Variants in YTHDF3 observed in about 807,000 individuals in gnomAD.
YTHDF3 encodes the protein YTH domain-containing family protein 3.
Under a neutral mutation model 52.5 loss-of-function variants are expected in YTHDF3, and 9 were observed. That is an observed-to-expected ratio of 0.17 (90% CI 0.10 to 0.30). The LOEUF (loss-of-function observed/expected upper bound fraction) is 0.30. Ranked by LOEUF, YTHDF3 falls within the 10% of genes least tolerant of loss-of-function variation. The probability of loss-of-function intolerance (pLI) is 1.00; values close to 1 mark genes in which losing one functional copy is unlikely to be tolerated. For synonymous variants in YTHDF3, 274 were observed against 243.3 expected (o/e 1.13, Z -1.18); for missense variants, 534 against 715.0 (o/e 0.75, Z 2.89).
chr8:63,169,337 C>G, intron 1 of YTHDF3, 50 bp from the exon 2 acceptor site: 1 of 1,570,834 alleles, frequency 6.4e-7, no homozygotes, highest in South Asian at 1.2e-5. Flanking sequence ...CACACTTTTT[C>G]TTTTCTTCCT....
chr8:63,187,306 C>G lies in YTHDF3; in HGVS notation c.1295C>G (p.Ser432Cys), dbSNP rs771248491. Residue 432 changes from serine to cysteine, a missense_variant, in exon 4 of 5, where the codon TCC (serine) becomes TGC (cysteine). Coordinates refer to ENST00000539294, the MANE Select transcript of YTHDF3 (RefSeq NM_152758.6). The stretch of plus-strand genomic sequence containing the variant: ...TACTCTGAGGATGACATACATCGTT[C>G]CATTAAATACTCTATCTGGTGTAGT... ...KSYSEDDIHRSIKYSIWCSTE... is the reference protein window; with the variant it reads ...KSYSEDDIHRCIKYSIWCSTE... 1.9e-6 allele frequency: 3 copies of G among 1,613,994 alleles called. No homozygotes were observed. Among genetic ancestry groups the G allele is most frequent in the Admixed American group, 1.7e-5 (1 of 60,022 alleles).
intron 2 of YTHDF3, among the ~76,000 whole-genome samples, chr8:63,174,592 A>G (rs1807563877): frequency 6.6e-6 from 1 of 152,204 alleles, no homozygotes; most frequent in African/African-American, 2.4e-5. Flanking sequence ...CAGCATCCAG[A>G]GAATAACAAC....
intron 4 of YTHDF3, among the ~76,000 whole-genome samples, chr8:63,190,007 G>A (rs971672719): frequency 6.6e-6 from 1 of 152,174 alleles, no homozygotes; most frequent in Non-Finnish European, 1.5e-5. Flanking sequence ...TGGTCATATT[G>A]TAACTGCCAT....
intron 2 of YTHDF3, chr8:63,172,928 A>G: frequency 1.3e-6 from 1 of 764,662 alleles, no homozygotes; most frequent in Non-Finnish European, 1.8e-6. Flanking sequence ...TTCAAAAACG[A>G]AAGTCTTTAA....
Position 63,187,674 on chromosome 8 carries a change from C to T in YTHDF3, c.1663C>T (p.His555Tyr), listed in dbSNP as rs1808613814. 2 of 1,611,396 alleles carry T rather than the reference C, an allele frequency of 1.2e-6. No homozygotes were observed. The highest frequency in any genetic ancestry group is 1.1e-5 in the South Asian group (1 of 90,708). Residue 555 changes from histidine (H) to tyrosine (Y), a missense_variant, in exon 4 of 5, where the codon CAT (histidine) becomes TAT (tyrosine). This residue lies in a region of YTHDF3 where 135 missense variants were observed against 214.2 expected (regional missense o/e 0.63). Coordinates refer to ENST00000539294, the MANE Select transcript of YTHDF3 (RefSeq NM_152758.6). ...GCTTAAAATAATTGCTACTTTCAAG[C>T]ATACCACCTCAATCTTTGATGACTT... ...QVLKIIATFK[H>Y]TTSIFDDFAH... is the part of the protein sequence containing the mutation.
intron 3 of YTHDF3, among the ~76,000 whole-genome samples, chr8:63,185,266 C>T (rs1400652583): frequency 6.6e-6 from 1 of 150,540 alleles, no homozygotes; most frequent in Non-Finnish European, 1.5e-5. Flanking sequence ...TGTCTAGTAA[C>T]AAATTTGAGC....
At chr8:63,203,094 T>G (rs1467146129) in intron 4 of YTHDF3, among the ~76,000 whole-genome samples, 1 of 151,894 alleles carries the variant, frequency 6.6e-6, no homozygotes, top group Non-Finnish European at 1.5e-5. Context: ...ATACAAAAAT[T>G]AGCTGAGCAT....
chr8:63,169,927 T>C (rs1378877627), intron 2 of YTHDF3, among the ~76,000 whole-genome samples: 1 of 152,234 alleles, frequency 6.6e-6, no homozygotes, highest in African/African-American at 2.4e-5. Context: ...GCCATCTTGC[T>C]CTATTGTTCT....
chr8:63,202,474 T>C (rs1233268776), intron 4 of YTHDF3, among the ~76,000 whole-genome samples: 2 of 151,836 alleles, frequency 1.3e-5, no homozygotes, highest in East Asian at 3.9e-4. Context: ...TTTTTTTTTT[T>C]TTTTGAGATG....
chr8:63,174,952 T>C (rs1807586338), intron 2 of YTHDF3, among the ~76,000 whole-genome samples: 1 of 152,204 alleles, frequency 6.6e-6, no homozygotes, highest in African/African-American at 2.4e-5. Context: ...AAATCTTTTT[T>C]ATTGCCTACA....
intron 4 of YTHDF3, chr8:63,188,701 A>ATATATATATATATATATATAT (rs1355614739): frequency 1.6e-5 from 1 of 61,444 alleles, no homozygotes; most frequent in Non-Finnish European, 2.6e-5. Context: ...ATATATATAT[A>ATATATATATATATATATATAT]TTTTTTTTTT....
intron 4 of YTHDF3, among the ~76,000 whole-genome samples, chr8:63,203,579 CAT>C (rs1388760852): frequency 6.6e-6 from 1 of 152,092 alleles, no homozygotes; most frequent in Admixed American, 6.6e-5. Context: ...AATCATAGTA[CAT>C]TTATTTAAAC....
Position 63,186,575 on chromosome 8 carries a change from G to A in YTHDF3, c.564G>A (p.Glu188=), listed in dbSNP as rs1421266578. 2 of 1,614,002 alleles carry A rather than the reference G, an allele frequency of 1.2e-6. No homozygotes were observed. Among genetic ancestry groups the A allele is most frequent in the East Asian group, 2.2e-5 (1 of 44,868 alleles). ...AGGTGCCTGGCATTAGCAGTATTGA[G>A]CAAGGCATGACTGGACTGAAAATTG... is the stretch of plus-strand genomic sequence containing the variant. ...LSKVPGISSI[E]QGMTGLKIGG... is the part of the protein sequence containing the mutation. The change falls in exon 4 of 5, where the codon GAG becomes GAA. Residue 188 remains glutamate (E), a synonymous_variant. Coordinates refer to ENST00000539294, the MANE Select transcript of YTHDF3 (RefSeq NM_152758.6).
rs1657705672 is a variant in YTHDF3 at position 63,175,321 on chromosome 8, A to G, written c.50-10A>G. 3 of 1,595,974 alleles carry G rather than the reference A, an allele frequency of 1.9e-6. No homozygotes were observed. Among genetic ancestry groups the G allele is most frequent in the African/African-American group, 2.7e-5 (2 of 74,616 alleles). ...TAACTACAACACTTCTAATACAAAC[A>G]TTTTTTTAGTTTCAGTACAAAACGG... On this transcript the variant is annotated splice_polypyrimidine_tract_variant and intron_variant, in intron 2 of 4. Coordinates refer to ENST00000539294, the MANE Select transcript of YTHDF3 (RefSeq NM_152758.6).
At chr8:63,177,442 C>A (rs1043151130) in intron 3 of YTHDF3, among the ~76,000 whole-genome samples, 1 of 152,134 alleles carries the variant, frequency 6.6e-6, no homozygotes, top group Non-Finnish European at 1.5e-5. Context: ...GAAAGTAGAT[C>A]ATTTGTTGTG....
chr8:63,178,733 G>A (rs1807867942), intron 3 of YTHDF3, among the ~76,000 whole-genome samples: 2 of 152,098 alleles, frequency 1.3e-5, no homozygotes, highest in South Asian at 2.1e-4. Flanking sequence ...GTTGAAAACT[G>A]GGTTTATTGA....
chr8:63,172,622 C>T (rs976985700), intron 2 of YTHDF3: 11 of 414,468 alleles, frequency 2.7e-5, no homozygotes, highest in Middle Eastern at 6.1e-4. Context: ...AAGGAGATAG[C>T]GGGTATATGG....
In YTHDF3 at chr8:63,210,040, A is replaced by G. The variant is rs1286322076; in HGVS notation, c.*334A>G. 3 of 217,994 alleles carry G rather than the reference A, an allele frequency of 1.4e-5. No homozygotes were observed. The allele number at this position is 217,994 out of a possible 1,614,324, so 13.5% of individuals were successfully genotyped here. A position where few individuals can be genotyped will look rare whatever the true frequency, so the allele number is the denominator to read the frequency against. On this transcript the variant is annotated 3_prime_UTR_variant, in exon 5 of 5. Coordinates refer to ENST00000539294, the MANE Select transcript of YTHDF3 (RefSeq NM_152758.6). ...CATTAACTCTTTGAATTTGTTAAAT[A>G]CTAACAGTTAACCATTAGAAGTGGT...
Position 63,175,242 on chromosome 8 carries a change from T to C in YTHDF3, c.50-89T>C, listed in dbSNP as rs970795943. The stretch of plus-strand genomic sequence containing the variant: ...CAGTATTATTTTTTCTGATTACTTT[T>C]TTTGGCTTGAAAAATATTAAAAACA... On this transcript the variant is annotated intron_variant, in intron 2 of 4. Coordinates refer to ENST00000539294, the MANE Select transcript of YTHDF3 (RefSeq NM_152758.6). The C allele has an allele frequency of 6.8e-5, 65 of 953,146 alleles. 3 individuals are homozygous for C. In the South Asian group the frequency reaches 8.6e-4, roughly 13 times the overall value. 59.0% of individuals were successfully genotyped at this position (953,146 alleles called of 1,614,324 possible).
Sources: allele counts gnomAD v4.1 joint callset (sites outside exome capture counted in the v4.1 genomes callset), GRCh38; gene constraint gnomAD v4.1.1; regional missense constraint gnomAD v4.1.1; transcripts MANE v1.5; gene names NCBI Gene and HGNC (gene_info 2026-07-23, HGNC 2026-07-21).